UNC80: variants seen among roughly 807,000 people sequenced by gnomAD.
UNC80 encodes protein unc-80 homolog.
UNC80 carries 164 observed loss-of-function variants against 384.6 expected under a neutral mutation model. The ratio of observed to expected loss-of-function variants is 0.43; its 90% CI spans 0.38 to 0.49. The LOEUF (loss-of-function observed/expected upper bound fraction) is 0.49. UNC80 is among the 20% of genes least tolerant of loss of function. The pLI, the probability that UNC80 is intolerant of heterozygous loss-of-function variation, is 0.00. For missense variants in UNC80, 3,330 were observed against 4,143.0 expected, an observed-to-expected ratio of 0.80 and a Z score of 5.39; for synonymous variants, 1,486 against 1,527.8, an observed-to-expected ratio of 0.97 and a Z score of 0.64.
chr2:209,830,505 G>T (rs925928528), intron 15 of UNC80, among the ~76,000 whole-genome samples: 12 of 152,074 alleles, frequency 7.9e-5, no homozygotes, highest in African/African-American at 2.9e-4. Context: ...CTGTCAATTG[G>T]CATAGACAGT....
At chr2:209,881,239 A>T (rs1243886668) in intron 25 of UNC80, 145 bp downstream of exon 25, 2 of 897,604 alleles carry the variant, frequency 2.2e-6, no homozygotes, top group Non-Finnish European at 3.2e-6. Flanking sequence ...ATTTTGAAAC[A>T]TAAAAAGAAA....
At chr2:209,803,178 AATACATCACAGTTCCTG>A (rs1485231473) in intron 7 of UNC80, among the ~76,000 whole-genome samples, 9 of 152,292 alleles carry the variant, frequency 5.9e-5, no homozygotes, top group Admixed American at 3.9e-4. Flanking sequence ...ATTGGTCATA[AATACATCACAGTTCCTG>A]CCTGCACTCA....
intron 6 of UNC80, among the ~76,000 whole-genome samples, chr2:209,792,255 GA>G (rs1285479578): frequency 5.9e-5 from 9 of 152,204 alleles, no homozygotes; most frequent in African/African-American, 2.2e-4. Context: ...AATGATTCAA[GA>G]TCACACCACT....
intron 7 of UNC80, among the ~76,000 whole-genome samples, chr2:209,800,817 C>G (rs776014369): frequency 6.6e-6 from 1 of 152,120 alleles, no homozygotes; most frequent in Non-Finnish European, 1.5e-5. Context: ...ATTATTTACC[C>G]AGGAGTCATT....
intron 47 of UNC80, among the ~76,000 whole-genome samples, chr2:209,946,857 C>T (rs2091937419): frequency 6.6e-6 from 1 of 152,156 alleles, no homozygotes; most frequent in Non-Finnish European, 1.5e-5. Context: ...GCACCTTAAG[C>T]CTGTTTCTCT....
intron 28 of UNC80, among the ~76,000 whole-genome samples, chr2:209,902,637 C>T (rs2087545100): frequency 6.6e-6 from 1 of 152,180 alleles, no homozygotes; most frequent in East Asian, 1.9e-4. Flanking sequence ...CAAGACCCTC[C>T]ACCAGCAAAA....
At chr2:209,794,856 C>T (rs771207832) in intron 7 of UNC80, 14 of 444,620 alleles carry the variant, frequency 3.1e-5, no homozygotes, top group African/African-American at 2.6e-4. Context: ...ACTGTAACTC[C>T]AATTAAACTT....
chr2:209,998,056 G>C lies in UNC80; in HGVS notation c.*2461G>C. ...TACTACATATGATAAATGCAGTGTT[G>C]GTAATAGTAGATCATTTCTTAAGCC... On this transcript the variant is annotated 3_prime_UTR_variant, in exon 65 of 65. Coordinates refer to ENST00000673920, the MANE Select transcript of UNC80 (RefSeq NM_001371986.1). The C allele has an allele frequency of 6.6e-6, 1 of 152,020 alleles. No individual in the cohort carries two copies. The highest frequency in any genetic ancestry group is 1.5e-5 in the Non-Finnish European group (1 of 68,010). The allele number at this position is 152,020 out of a possible 1,614,324, so 9.4% of individuals were successfully genotyped here.
chr2:209,892,281 A>C (rs2086411374), intron 26 of UNC80, among the ~76,000 whole-genome samples: 1 of 152,184 alleles, frequency 6.6e-6, no homozygotes, highest in Admixed American at 6.5e-5. Context: ...AATTGATACA[A>C]AGTGAGGTGA....
At chr2:209,920,976 C>T (rs932994681) in intron 33 of UNC80, among the ~76,000 whole-genome samples, 47 of 152,066 alleles carry the variant, frequency 3.1e-4, no homozygotes, top group African/African-American at 7.2e-4. Flanking sequence ...TACAGGCTTG[C>T]GCCACCACGC....
At chr2:209,772,737 A>T (rs1351429360) in intron 1 of UNC80, among the ~76,000 whole-genome samples, 1 of 152,126 alleles carries the variant, frequency 6.6e-6, no homozygotes, top group Non-Finnish European at 1.5e-5. Context: ...ATCAGATAAG[A>T]TATTAGATTC....
chr2:209,939,778 C>T (rs2091506157), intron 43 of UNC80, 126 bp downstream of exon 43: 3 of 806,906 alleles, frequency 3.7e-6, no homozygotes, highest in Non-Finnish European at 5.4e-6. Context: ...AGGTTTGTTA[C>T]ATATGTATAC....
intron 36 of UNC80, among the ~76,000 whole-genome samples, chr2:209,927,675 A>C (rs1281895286): frequency 6.6e-6 from 1 of 152,150 alleles, no homozygotes; most frequent in Non-Finnish European, 1.5e-5. Flanking sequence ...GCATCCTCAT[A>C]CTTTGCTGAT....
intron 4 of UNC80, among the ~76,000 whole-genome samples, chr2:209,781,303 G>T (rs768779773): frequency 1.9e-4 from 29 of 152,282 alleles, no homozygotes; most frequent in Admixed American, 5.9e-4. Flanking sequence ...TACCAAGAGG[G>T]AAATTGAGAT....
At chr2:209,811,661 TA>T (rs1204427398) in intron 7 of UNC80, among the ~76,000 whole-genome samples, 7 of 152,220 alleles carry the variant, frequency 4.6e-5, no homozygotes, top group Non-Finnish European at 1.0e-4. Context: ...CTTCTTTTCA[TA>T]TGACTGCCAA....
At chr2:209,830,979 T>C (rs2080918492) in intron 15 of UNC80, among the ~76,000 whole-genome samples, 1 of 152,204 alleles carries the variant, frequency 6.6e-6, no homozygotes, top group South Asian at 2.1e-4. Flanking sequence ...GCTACCTGGT[T>C]GGCCCCACCT....
intron 33 of UNC80, among the ~76,000 whole-genome samples, chr2:209,919,160 C>T (rs571553467): frequency 8.5e-5 from 13 of 152,268 alleles, no homozygotes; most frequent in African/African-American, 3.1e-4. Context: ...TAATATAACT[C>T]ATAAACGGTC....
chr2:209,795,347 T>G (rs2078086695), intron 7 of UNC80: 1 of 152,192 alleles, frequency 6.6e-6, no homozygotes, highest in Non-Finnish European at 1.5e-5. Context: ...AGGCATTCAG[T>G]TTTAAAAGGG....
At chr2:209,856,082 CCAA>C (rs1381855281) in intron 22 of UNC80, among the ~76,000 whole-genome samples, 1 of 152,002 alleles carries the variant, frequency 6.6e-6, no homozygotes, top group Non-Finnish European at 1.5e-5. Context: ...CAAATAAGTG[CCAA>C]CGATATAATG....
Sources: gnomAD v4.1 joint callset for allele counts (sites outside exome capture counted in the v4.1 genomes callset) on GRCh38, gnomAD v4.1.1 for gene constraint, MANE v1.5 for transcripts, NCBI Gene and HGNC (gene_info 2026-07-23, HGNC 2026-07-21) for gene names.